The following AK8 variants were observed in gnomAD, a reference collection of about 807,000 sequenced individuals.
AK8 encodes the protein ATP-AMP transphosphorylase 8.
Under a neutral mutation model 54.6 loss-of-function variants are expected in AK8, and 44 were observed. The ratio of observed to expected loss-of-function variants is 0.81; its 90% confidence interval spans 0.63 to 1.04. The LOEUF (loss-of-function observed/expected upper bound fraction) is 1.04, where lower values mean the gene tolerates loss of function less well. Among genes scored for constraint, AK8 ranks in the 50% least tolerant of loss-of-function variants. The pLI, the probability that AK8 is intolerant of heterozygous loss-of-function variation, is 0.00. For missense variants in AK8, 555 were observed against 613.6 expected (o/e 0.90, Z 1.01); for synonymous variants, 239 against 245.6 (o/e 0.97, Z 0.25).
chr9:132,860,280 G>GGC lies in AK8; in HGVS notation c.333+3384_333+3385insGC, dbSNP rs55811976. Among the ~76,000 whole-genome samples, 49,355 of 151,912 alleles carry GGC rather than the reference G, an allele frequency of 0.32. 8,965 individuals are homozygous for GGC. The highest frequency in any genetic ancestry group is 0.49 in the African/African-American group (20,419 of 41,372). ...TCGGCGAGATTTATAACTCTGGCTGGCCTGGTGGAATCCTCAGTGACACTT... is the reference window on the plus strand; with the variant it reads ...TCGGCGAGATTTATAACTCTGGCTGGGCCCTGGTGGAATCCTCAGTGACACTT... On this transcript the variant is annotated intron_variant, in intron 4 of 12. Transcript: ENST00000298545. This position sits in a 1 kb window ranked among gnomAD's most constrained non-coding sequence, Gnocchi z 4.4.
At chr9:132,843,328 T>C (rs1842616547) in intron 5 of AK8, among the ~76,000 whole-genome samples, 1 of 152,144 alleles carries the variant, frequency 6.6e-6, no homozygotes, top group Non-Finnish European at 1.5e-5. Context: ...GGCCACATGA[T>C]GTGCCTGCTC....
chr9:132,875,062 G>GGGA, intron 2 of AK8, 53 bp downstream of exon 2: 3 of 1,602,778 alleles, frequency 1.9e-6, no homozygotes, highest in Non-Finnish European at 2.6e-6. Flanking sequence ...GAAGGGGAAG[G>GGGA]AGGAGGAGGG....
intron 10 of AK8, among the ~76,000 whole-genome samples, chr9:132,811,186 A>C (rs1167418631): frequency 6.6e-6 from 1 of 152,224 alleles, no homozygotes; most frequent in Non-Finnish European, 1.5e-5. Flanking sequence ...AATACCTCCC[A>C]AAAAGATGTC....
intron 2 of AK8, 126 bp from the exon 3 acceptor site, chr9:132,867,079 T>C (rs1039452626): frequency 1.1e-6 from 1 of 873,288 alleles, no homozygotes; most frequent in Admixed American, 1.9e-5. Flanking sequence ...CACGGCCATT[T>C]GTAACCCAGC....
At chr9:132,731,747 G>A (rs1836858875) in intron 11 of AK8, among the ~76,000 whole-genome samples, 2 of 152,160 alleles carry the variant, frequency 1.3e-5, no homozygotes, top group Admixed American at 6.5e-5. Flanking sequence ...TACATACGTG[G>A]TGCTGACCCA....
Position 132,860,656 on chromosome 9 carries a change from C to T in AK8, c.333+3009G>A, listed in dbSNP as rs1479701724. Among the ~76,000 whole-genome samples the T allele has an allele frequency of 3.3e-5, 5 of 152,234 alleles. No individual in the cohort carries two copies. The highest frequency in any genetic ancestry group is 2.4e-5 in the African/African-American group (1 of 41,466). Reference sequence around the variant, plus strand: ...GAAGCAGGAACAAAAACTAGAGACACTGCCAGTTATTAATCATGCCCTGGC... The same window carrying T: ...GAAGCAGGAACAAAAACTAGAGACATTGCCAGTTATTAATCATGCCCTGGC... On this transcript the variant is annotated intron_variant, in intron 4 of 12. Coordinates refer to ENST00000298545, the MANE Select transcript of AK8 (RefSeq NM_152572.3). The surrounding 1 kb of genome is among the most constrained non-coding windows in gnomAD (Gnocchi z 4.4).
chr9:132,789,061 C>T (rs113223267), intron 11 of AK8, among the ~76,000 whole-genome samples: 23 of 151,602 alleles, frequency 1.5e-4, no homozygotes, highest in Non-Finnish European at 1.9e-4. Flanking sequence ...TTTGGGAGGC[C>T]GAGGTGGGTG....
In AK8 at chr9:132,804,664, C is replaced by T. The variant is rs186515997; in HGVS notation, c.979+9974G>A. 4.0e-3 allele frequency among the ~76,000 whole-genome samples: 610 copies of T among 152,288 alleles called. 4 individuals carry two copies. The highest frequency in any genetic ancestry group is 0.014 in the African/African-American group (575 of 41,556). ...TCTGCTCCCATCTTGCTTCTTCTGT[C>T]GGGTGTGCCCTTGTCACCCAGAGCA... On this transcript the variant is annotated intron_variant, in intron 10 of 12. Transcript: ENST00000298545.
chr9:132,823,019 C>T (rs1423061560), intron 9 of AK8, among the ~76,000 whole-genome samples, 186 bp downstream of exon 9: 1 of 152,060 alleles, frequency 6.6e-6, no homozygotes, highest in African/African-American at 2.4e-5. Context: ...CAATATTCCT[C>T]GGGAGGAAGA....
intron 5 of AK8, among the ~76,000 whole-genome samples, chr9:132,833,754 T>C (rs979297975): frequency 6.6e-6 from 1 of 152,208 alleles, no homozygotes; most frequent in African/African-American, 2.4e-5. Context: ...CCAGTCAGCC[T>C]GGGGAACTTG....
intron 5 of AK8, among the ~76,000 whole-genome samples, chr9:132,839,446 G>C (rs1240160538): frequency 6.6e-6 from 1 of 152,206 alleles, no homozygotes; most frequent in Admixed American, 6.5e-5. Context: ...GGGTCCTGGT[G>C]GACAGGCTCT....
chr9:132,772,765 C>T (rs985515865), intron 11 of AK8, among the ~76,000 whole-genome samples: 1 of 152,178 alleles, frequency 6.6e-6, no homozygotes, highest in Non-Finnish European at 1.5e-5. Context: ...CCCCAGCAAG[C>T]ACCTGAGCTC....
chr9:132,741,958 T>G (rs2130980094), intron 11 of AK8, among the ~76,000 whole-genome samples: 1 of 152,290 alleles, frequency 6.6e-6, no homozygotes, highest in Non-Finnish European at 1.5e-5. Context: ...AAGGATTAAA[T>G]GAGATGACCC....
intron 11 of AK8, among the ~76,000 whole-genome samples, chr9:132,777,589 A>T (rs7861523): frequency 0.61 from 92,811 of 151,942 alleles, 29,056 homozygotes; most frequent in East Asian, 0.81. Context: ...ACCCATACAT[A>T]TTTTCCCAGC....
intron 9 of AK8, among the ~76,000 whole-genome samples, chr9:132,818,702 A>C (rs2131274336): frequency 6.6e-6 from 1 of 152,226 alleles, no homozygotes; most frequent in South Asian, 2.1e-4. Flanking sequence ...AAAACAAAAA[A>C]ACAGGCCAGG....
intron 5 of AK8, among the ~76,000 whole-genome samples, chr9:132,842,370 C>T (rs1277300249): frequency 1.3e-5 from 2 of 152,046 alleles, no homozygotes; most frequent in Non-Finnish European, 2.9e-5. Flanking sequence ...AAATATTTAC[C>T]CAGCATGGAG....
At chr9:132,872,067 G>C (rs1210443064) in intron 2 of AK8, among the ~76,000 whole-genome samples, 1 of 152,192 alleles carries the variant, frequency 6.6e-6, no homozygotes, top group African/African-American at 2.4e-5. Flanking sequence ...AGGCACAGTG[G>C]TCCATGCCTG....
intron 3 of AK8, among the ~76,000 whole-genome samples, chr9:132,864,846 A>G (rs1054833609): frequency 1.3e-5 from 2 of 152,224 alleles, no homozygotes; most frequent in Non-Finnish European, 2.9e-5. Flanking sequence ...GACGAAGCAC[A>G]GATGGCCCCA....
chr9:132,747,632 T>C (rs1837715492), intron 11 of AK8, among the ~76,000 whole-genome samples: 1 of 148,968 alleles, frequency 6.7e-6, no homozygotes, highest in African/African-American at 2.5e-5. Context: ...GGTTTCATCA[T>C]GTTGGCCTGG....
Sources: allele counts gnomAD v4.1 joint callset (sites outside exome capture counted in the v4.1 genomes callset), GRCh38; gene constraint gnomAD v4.1.1; non-coding constraint Gnocchi (gnomAD v3.1); transcripts MANE v1.5; gene names NCBI Gene and HGNC (gene_info 2026-07-23, HGNC 2026-07-21).